The following PRPSAP1 variants were observed in gnomAD, a reference collection of about 807,000 sequenced individuals.
PRPSAP1 encodes the protein phosphoribosyl pyrophosphate synthetase associated protein 1.
In PRPSAP1, 31 loss-of-function variants were observed where a neutral mutation model predicts 39.4. That is an observed-to-expected ratio of 0.79 (90% confidence interval 0.59 to 1.06). The LOEUF (loss-of-function observed/expected upper bound fraction) is 1.06, where lower values mean the gene tolerates loss of function less well. Among genes scored for constraint, PRPSAP1 ranks in the 50% least tolerant of loss-of-function variants. The pLI is 0.00. For missense variants in PRPSAP1, 430 were observed against 511.6 expected (o/e 0.84, Z 1.54); for synonymous variants, 212 against 192.6 (o/e 1.10, Z -0.83).
intron 1 of PRPSAP1, among the ~76,000 whole-genome samples, chr17:76,352,602 G>A (rs2071587384): frequency 7.8e-6 from 1 of 127,436 alleles, no homozygotes; most frequent in African/African-American, 3.1e-5. Context: ...CCGAGATCTC[G>A]CCACTGCACT....
In PRPSAP1 at chr17:76,328,718, T is replaced by C; in HGVS notation, c.780A>G (p.Pro260=). Residue 260 remains proline, a splice_region_variant and synonymous_variant, in exon 7 of 10, where the codon CCA becomes CCG. Coordinates refer to ENST00000446526, the MANE Select transcript of PRPSAP1 (RefSeq NM_002766.3). ...ATAAAAACACAGAGCTCATCTTACA[T>C]GGCAACTCCAGGCCTGGGTGCACAG... ...NATVHPGLEL[P]LMMAKEKPPI... 6.2e-7 allele frequency: 1 copy of C among 1,612,772 alleles called. No individual in the cohort carries two copies. The highest frequency in any genetic ancestry group is 8.5e-7 in the Non-Finnish European group (1 of 1,179,626).
chr17:76,330,810 A>G, intron 4 of PRPSAP1, 144 bp from the exon 5 acceptor site: 2 of 526,888 alleles, frequency 3.8e-6, no homozygotes, highest in Non-Finnish European at 6.7e-6. Flanking sequence ...CACAGGCTTG[A>G]TTGTTAACCT....
At chr17:76,326,593 C>T (rs570504988) in intron 7 of PRPSAP1, among the ~76,000 whole-genome samples, 2 of 152,270 alleles carry the variant, frequency 1.3e-5, no homozygotes, top group East Asian at 1.9e-4. Flanking sequence ...ATCACTTGAT[C>T]GCACTGTTCA....
chr17:76,313,759 G>T, intron 8 of PRPSAP1, 62 bp downstream of exon 8: 1 of 1,552,452 alleles, frequency 6.4e-7, no homozygotes, highest in South Asian at 1.1e-5. Context: ...TCCCAGAGTG[G>T]ACAACCTACT....
At chr17:76,328,264 T>C (rs1309904769) in intron 7 of PRPSAP1, among the ~76,000 whole-genome samples, 3 of 151,386 alleles carry the variant, frequency 2.0e-5, no homozygotes, top group Non-Finnish European at 2.9e-5. Context: ...TATATCTACA[T>C]AGTCGATAAC....
intron 3 of PRPSAP1, among the ~76,000 whole-genome samples, chr17:76,338,621 T>G (rs1176839585): frequency 6.6e-6 from 1 of 151,982 alleles, no homozygotes; most frequent in Non-Finnish European, 1.5e-5. Flanking sequence ...GAGAATTGCT[T>G]GAACCCAGGA....
chr17:76,332,477 A>G lies in PRPSAP1; in HGVS notation c.291-42T>C, dbSNP rs748111536. ...TTGTATTTGGGGATTAATTCCATGT[A>G]TCAACCCTAGAAAAGATCTTGACTT... On this transcript the variant is annotated intron_variant, in intron 3 of 9. Transcript: ENST00000446526. The G allele has an allele frequency of 3.5e-5, 57 of 1,606,424 alleles. 2 individuals are homozygous for G. In the South Asian group the frequency reaches 6.2e-4, roughly 17 times the overall value.
In PRPSAP1 at chr17:76,328,818, A is replaced by G; in HGVS notation, c.680T>C (p.Ile227Thr). The part of the protein sequence containing the change: ...AERLRLGLAV[I>T]HGEAQCTELD... ...TTCCGTGCACTGAGCTTCCCCGTGA[A>G]TGACGGCCAAACCCAGACGCAGTCT... The change falls in exon 7 of 10, where the codon ATT becomes ACT. Residue 227 changes from isoleucine to threonine, a missense_variant. Ile to Thr is a moderately conservative substitution (Grantham distance 89). Coordinates refer to ENST00000446526, the MANE Select transcript of PRPSAP1 (RefSeq NM_002766.3). 1 of 1,614,192 alleles carries G rather than the reference A, an allele frequency of 6.2e-7. No individual in the cohort carries two copies. The highest frequency in any genetic ancestry group is 8.5e-7 in the Non-Finnish European group (1 of 1,180,026).
At chr17:76,345,237 T>TAAAAAAA (rs59693380) in intron 2 of PRPSAP1, among the ~76,000 whole-genome samples, 738 of 62,100 alleles carry the variant, frequency 0.012, 29 homozygotes, top group Middle Eastern at 0.019. Flanking sequence ...TCCGTCTCAT[T>TAAAAAAA]AAAAAAAAAA....
chr17:76,322,902 G>C (rs535460468), intron 7 of PRPSAP1, among the ~76,000 whole-genome samples: 1 of 152,204 alleles, frequency 6.6e-6, no homozygotes, highest in East Asian at 1.9e-4. Context: ...GCTGAGGTGG[G>C]AGGATCACCT....
chr17:76,345,605 T>C (rs1466339221), intron 2 of PRPSAP1, among the ~76,000 whole-genome samples: 1 of 121,824 alleles, frequency 8.2e-6, no homozygotes, highest in Non-Finnish European at 1.6e-5. Context: ...AGACCTTGTC[T>C]GGAGAAAAAA....
chr17:76,351,087 T>C (rs891095873), intron 1 of PRPSAP1, among the ~76,000 whole-genome samples: 2 of 151,970 alleles, frequency 1.3e-5, no homozygotes, highest in African/African-American at 4.8e-5. Context: ...ATGTTATGTA[T>C]ATAACAATTT....
intron 3 of PRPSAP1, among the ~76,000 whole-genome samples, chr17:76,337,091 CT>C (rs991777710): frequency 2.0e-5 from 3 of 152,060 alleles, no homozygotes; most frequent in African/African-American, 7.2e-5. Flanking sequence ...ACTTTTCTTT[CT>C]TTTTTTTAAA....
rs866222799 is a variant in PRPSAP1 at position 76,309,594 on chromosome 17, G to A, written c.*1948C>T. 2.0e-5 allele frequency: 3 copies of A among 152,204 alleles called. No individual in the cohort carries two copies. The highest frequency in any genetic ancestry group is 7.2e-5 in the African/African-American group (3 of 41,440). 9.4% of individuals were successfully genotyped at this position (152,204 alleles called of 1,614,324 possible). A position where few individuals can be genotyped will look rare whatever the true frequency, so the allele number is the denominator to read the frequency against. On this transcript the variant is annotated 3_prime_UTR_variant, in exon 10 of 10. Coordinates refer to ENST00000446526, the MANE Select transcript of PRPSAP1 (RefSeq NM_002766.3). ...GCCATGCATGGCCAGCCTCCTCCGT[G>A]AGCTCTGCATCTGCAGATTTAACCA... is the stretch of plus-strand genomic sequence containing the variant.
chr17:76,352,026 G>GT (rs1348697362), intron 1 of PRPSAP1, among the ~76,000 whole-genome samples: 1 of 150,274 alleles, frequency 6.7e-6, no homozygotes, highest in Non-Finnish European at 1.5e-5. Context: ...GGATTGATTT[G>GT]TTTTTTTAAC....
In PRPSAP1 at chr17:76,324,629, T is replaced by C. The variant is rs1444673254; in HGVS notation, c.781+4088A>G. Among the ~76,000 whole-genome samples, 4 of 151,310 alleles carry C rather than the reference T, an allele frequency of 2.6e-5. No individual in the cohort carries two copies. The East Asian group carries it at 7.8e-4, about 29-fold the overall frequency. On this transcript the variant is annotated intron_variant, in intron 7 of 9. Transcript: ENST00000446526. The stretch of plus-strand genomic sequence containing the variant: ...AAAAAAAAAAAGCTATAAAACAGCA[T>C]TACATGCTACAGAAAGATCTTTTGT...
In PRPSAP1 at chr17:76,311,564, C is replaced by T. The variant is rs775714352; in HGVS notation, c.1136G>A (p.Arg379Gln). 7.4e-6 allele frequency: 12 copies of T among 1,613,786 alleles called. No individual in the cohort carries two copies. The highest frequency in any genetic ancestry group is 2.2e-5 in the East Asian group (1 of 44,856). The change falls in exon 10 of 10, where the codon CGA (arginine) becomes CAA (glutamine). Residue 379 changes from arginine to glutamine, a missense_variant. Around this residue, in one of 2 missense-constraint regions of PRPSAP1, gnomAD observed 278 missense variants for 376.3 expected, o/e 0.74. Coordinates refer to ENST00000446526, the MANE Select transcript of PRPSAP1 (RefSeq NM_002766.3). Reference sequence around the variant, plus strand: ...AAGCTAGTCATCCACAGTGATGTTTCGGAAAAGGTAGGCCATGGACTCTCC... The same window carrying T: ...AAGCTAGTCATCCACAGTGATGTTTTGGAAAAGGTAGGCCATGGACTCTCC... ...HNGESMAYLF[R>Q]NITVDD
rs1007274578 is a variant in PRPSAP1 at position 76,339,900 on chromosome 17, G to A, written c.290+4771C>T. Among the ~76,000 whole-genome samples the A allele has an allele frequency of 2.0e-5, 3 of 151,628 alleles. No individual in the cohort carries two copies. The East Asian group carries it at 5.8e-4, about 29-fold the overall frequency. On this transcript the variant is annotated intron_variant, in intron 3 of 9. Transcript: ENST00000446526. ...TAATCCAAGCACCTCGGGAGGCCGG[G>A]GCAAGCAGATCAGCTGAGCTCAGGA...
Position 76,353,810 on chromosome 17 carries a change from C to G in PRPSAP1, c.-107G>C. 7.2e-7 allele frequency: 1 copy of G among 1,386,656 alleles called. No individual in the cohort carries two copies. Among genetic ancestry groups the G allele is most frequent in the Non-Finnish European group, 9.3e-7 (1 of 1,078,490 alleles). 85.9% of individuals were successfully genotyped at this position (1,386,656 alleles called of 1,614,324 possible). The stretch of plus-strand genomic sequence containing the variant: ...GTGGGGAAGGCGCTGAGAAACTCGG[C>G]GCAAGCGGGGAGAGCTCCGAGGTCC... On this transcript the variant is annotated 5_prime_UTR_variant, in exon 1 of 10. Transcript: ENST00000446526.
Sources: allele counts gnomAD v4.1 joint callset (sites outside exome capture counted in the v4.1 genomes callset), GRCh38; gene constraint gnomAD v4.1.1; regional missense constraint gnomAD v4.1.1; transcripts MANE v1.5; gene names NCBI Gene and HGNC (gene_info 2026-07-23, HGNC 2026-07-21).